HMGXB3: variants seen among roughly 807,000 people sequenced by gnomAD.
HMGXB3 encodes HMG-box containing 3.
In HMGXB3, 45 loss-of-function variants were observed where a neutral mutation model predicts 121.5. The ratio of observed to expected loss-of-function variants is 0.37; its 90% CI spans 0.29 to 0.47. The LOEUF (loss-of-function observed/expected upper bound fraction) is 0.47. Ranked by LOEUF, HMGXB3 falls within the 20% of genes least tolerant of loss-of-function variation. The pLI, the probability that HMGXB3 is intolerant of heterozygous loss-of-function variation, is 0.99. For missense variants in HMGXB3, 1,376 were observed against 1,602.2 expected (o/e 0.86, Z 2.41); for synonymous variants, 590 against 624.1 (o/e 0.95, Z 0.81).
At chr5:150,046,383 C>T (rs1756755928) in intron 16 of HMGXB3, among the ~76,000 whole-genome samples, 1 of 152,210 alleles carries the variant, frequency 6.6e-6, no homozygotes, top group South Asian at 2.1e-4. Context: ...ATAACTGAAA[C>T]AACATTCCCA....
chr5:150,008,092 C>T (rs59019381), intron 3 of HMGXB3, among the ~76,000 whole-genome samples: 4 of 149,958 alleles, frequency 2.7e-5, no homozygotes, highest in African/African-American at 7.5e-5. Context: ...CACACACACA[C>T]ACACACAAAT....
rs1756644892 is a variant in HMGXB3, at chr5:150,042,034, A to G, written c.2730+65A>G. The G allele has an allele frequency of 3.7e-6, 5 of 1,346,604 alleles. No homozygotes were observed. The African/African-American group carries it at 4.4e-5, about 12-fold the overall frequency. The allele number at this position is 1,346,604 out of a possible 1,614,324, so 83.4% of individuals were successfully genotyped here. On this transcript the variant is annotated intron_variant, in intron 15 of 19. Transcript: ENST00000502717. Reference sequence around the variant, plus strand: ...TTCTCATTTTGGCACCTCCCTTCCTATATGATATCCCCAGGGGGTGGATAG... The same window carrying G: ...TTCTCATTTTGGCACCTCCCTTCCTGTATGATATCCCCAGGGGGTGGATAG...
At chr5:150,013,825 A>T (rs959035707) in intron 5 of HMGXB3, among the ~76,000 whole-genome samples, 2 of 152,370 alleles carry the variant, frequency 1.3e-5, no homozygotes, top group Admixed American at 1.3e-4. Context: ...ACCCTGTAAT[A>T]AACAATGTAC....
At chr5:150,043,843 T>G (rs754086867) in intron 15 of HMGXB3, among the ~76,000 whole-genome samples, 45 of 152,230 alleles carry the variant, frequency 3.0e-4, no homozygotes, top group Non-Finnish European at 1.2e-4. Context: ...TTGACCTTGC[T>G]CTTTCTCAGC....
At chr5:150,046,326 A>C (rs534268418) in intron 16 of HMGXB3, among the ~76,000 whole-genome samples, 36 of 152,316 alleles carry the variant, frequency 2.4e-4, no homozygotes, top group African/African-American at 8.4e-4. Flanking sequence ...TGAGAAATAC[A>C]TTTTGTGTCA....
At position 150,018,009 on chromosome 5, in the gene HMGXB3, G is replaced by A. The variant is rs757364780; in HGVS notation, c.910-557G>A. 2.4e-4 allele frequency among the ~76,000 whole-genome samples: 36 copies of A among 152,114 alleles called. 1 individual carries two copies. The highest frequency in any genetic ancestry group is 5.1e-4 in the Non-Finnish European group (35 of 68,026). On this transcript the variant is annotated intron_variant, in intron 5 of 19. Coordinates refer to ENST00000502717, the MANE Select transcript of HMGXB3 (RefSeq NM_014983.3). The stretch of plus-strand genomic sequence containing the variant: ...GTCCTGAACTGCCCTTATTTTTTCA[G>A]TGACCATGGATCTATTTTTATTCTG...
Position 150,010,301 on chromosome 5 carries a change from C to A in HMGXB3, c.503C>A (p.Ala168Asp). 1.9e-6 allele frequency: 3 copies of A among 1,551,786 alleles called. No individual in the cohort carries two copies. Among genetic ancestry groups the A allele is most frequent in the Non-Finnish European group, 2.6e-6 (3 of 1,147,016 alleles). ...GGACCTCCTCTTGTGTCCAACACTG[C>A]CCCGGAGACAGTGCCCAGCCATGCA... ...PKGPPLVSNT[A>D]PETVPSHAGM... The change falls in exon 4 of 20, where the codon GCC (alanine) becomes GAC (aspartate). Residue 168 changes from alanine to aspartate, a missense_variant. By Grantham distance (126) the Ala-to-Asp change is moderately radical (BLOSUM62 -2). Coordinates refer to ENST00000502717, the MANE Select transcript of HMGXB3 (RefSeq NM_014983.3).
chr5:150,008,047 ACT>A (rs1212311301), intron 3 of HMGXB3, among the ~76,000 whole-genome samples: 1 of 132,466 alleles, frequency 7.5e-6, no homozygotes, highest in African/African-American at 3.0e-5. Context: ...ACAGAGTGAG[ACT>A]CTGTTTCACA....
chr5:150,027,833 G>C (rs1039017010), intron 9 of HMGXB3, among the ~76,000 whole-genome samples: 1 of 152,160 alleles, frequency 6.6e-6, no homozygotes, highest in Non-Finnish European at 1.5e-5. Flanking sequence ...GATTACAGGG[G>C]TGAGCCACCA....
chr5:150,052,145 A>G lies in HMGXB3; in HGVS notation c.3832A>G (p.Thr1278Ala), dbSNP rs986809763. The part of the protein sequence containing the change: ...RLGVAQIKTE[T>A]EEEGEEEEVA... ...TGGGGTTGCTCAGATCAAGACAGAG[A>G]CAGAGGAGGAGGGTGAGGAAGAGGA... The change falls in exon 20 of 20, where the codon ACA (threonine) becomes GCA (alanine). Residue 1278 changes from threonine to alanine, a missense_variant. Physicochemically the swap from Thr to Ala is moderately conservative, Grantham distance 58 (BLOSUM62 0). Transcript: ENST00000502717. 5 of 1,550,356 alleles carry G rather than the reference A, an allele frequency of 3.2e-6. No individual in the cohort carries two copies. In the African/African-American group the frequency reaches 5.5e-5, roughly 17 times the overall value.
chr5:150,024,176 C>T, intron 6 of HMGXB3, 86 bp from the exon 7 acceptor site: 2 of 1,071,288 alleles, frequency 1.9e-6, no homozygotes, highest in African/African-American at 1.6e-5. Context: ...ATTTATTGCC[C>T]ATATGTTATT....
At chr5:150,037,344 C>A (rs1037252631) in intron 12 of HMGXB3, 56 bp from the exon 13 acceptor site, 10 of 1,456,300 alleles carry the variant, frequency 6.9e-6, no homozygotes, top group Non-Finnish European at 8.2e-6. Flanking sequence ...CCCTGGAACT[C>A]CATAAAGAAG....
chr5:150,028,903 C>A (rs1426305760), intron 9 of HMGXB3, among the ~76,000 whole-genome samples: 1 of 151,958 alleles, frequency 6.6e-6, no homozygotes, highest in African/African-American at 2.4e-5. Context: ...ATTTTTAAAG[C>A]CCCTCCTATT....
At chr5:150,048,820 A>G in intron 18 of HMGXB3, 135 bp downstream of exon 18, 1 of 693,926 alleles carries the variant, frequency 1.4e-6, no homozygotes, top group East Asian at 2.7e-5. Context: ...CCCACGGGTC[A>G]GGTGCTACCC....
rs1285831278 is a variant in HMGXB3 at position 150,052,216 on chromosome 5, C to T, written c.*24C>T. ...AAGCCAGGCTGTTGTACAGGGACTACACCATCTCTCAAGCCATAGTAAGGC... is the reference window on the plus strand; with the variant it reads ...AAGCCAGGCTGTTGTACAGGGACTATACCATCTCTCAAGCCATAGTAAGGC... On this transcript the variant is annotated 3_prime_UTR_variant, in exon 20 of 20. Transcript: ENST00000502717. The T allele has an allele frequency of 4.7e-5, 70 of 1,490,882 alleles. No homozygotes were observed. Among genetic ancestry groups the T allele is most frequent in the Non-Finnish European group, 6.1e-5 (67 of 1,106,618 alleles). The allele number at this position is 1,490,882 out of a possible 1,614,324, so 92.4% of individuals were successfully genotyped here. A position where few individuals can be genotyped will look rare whatever the true frequency, so the allele number is the denominator to read the frequency against.
Position 150,030,859 on chromosome 5 carries a change from G to GT in HMGXB3, c.1833+21dup. On this transcript the variant is annotated intron_variant, in intron 10 of 19. Transcript: ENST00000502717. ...ACATTGGTAAGTATGCAGCTAGGTGGTGGTGGGTTGACATGGAGGTTGTTT... is the reference window on the plus strand; with the variant it reads ...ACATTGGTAAGTATGCAGCTAGGTGGTTGGTGGGTTGACATGGAGGTTGTTT... 6.6e-7 allele frequency: 1 copy of GT among 1,526,286 alleles called. No homozygotes were observed. The highest frequency in any genetic ancestry group is 8.9e-7 in the Non-Finnish European group (1 of 1,123,822). The allele number at this position is 1,526,286 out of a possible 1,614,324, so 94.5% of individuals were successfully genotyped here. A position where few individuals can be genotyped will look rare whatever the true frequency, so the allele number is the denominator to read the frequency against.
chr5:150,005,135 G>T, intron 2 of HMGXB3, 146 bp downstream of exon 2: 1 of 1,139,806 alleles, frequency 8.8e-7, no homozygotes, highest in East Asian at 2.7e-5. Flanking sequence ...GAAGTGGAGG[G>T]ATTTCTGCCA....
chr5:150,029,362 A>G (rs1056240924), intron 9 of HMGXB3, among the ~76,000 whole-genome samples: 1 of 150,578 alleles, frequency 6.6e-6, no homozygotes, highest in African/African-American at 2.5e-5. Context: ...CAAATGGGTA[A>G]TGTGCTGACG....
rs1482804682 is a variant in HMGXB3 at position 150,018,563 on chromosome 5, C to T, written c.910-3C>T. ...TTGATTCTGATGTGCTCTTTATTTA[C>T]AGACCACTACATATACCCGCCGGGG... is the stretch of plus-strand genomic sequence containing the variant. On this transcript the variant is annotated splice_polypyrimidine_tract_variant and splice_region_variant and intron_variant, in intron 5 of 19. Coordinates refer to ENST00000502717, the MANE Select transcript of HMGXB3 (RefSeq NM_014983.3). 3.3e-6 allele frequency: 5 copies of T among 1,538,358 alleles called. 1 individual carries two copies. In the South Asian group the frequency reaches 4.9e-5, roughly 15 times the overall value.
Sources: gnomAD v4.1 joint callset for allele counts (sites outside exome capture counted in the v4.1 genomes callset) on GRCh38, gnomAD v4.1.1 for gene constraint, MANE v1.5 for transcripts, NCBI Gene and HGNC (gene_info 2026-07-23, HGNC 2026-07-21) for gene names.